USH2A: variants seen among roughly 807,000 people sequenced by gnomAD.
The protein encoded by USH2A is Usher syndrome 2A (autosomal recessive, mild).
A neutral mutation model predicts 538.9 loss-of-function variants in USH2A; 443 were observed. That is an observed-to-expected ratio of 0.82 (90% CI 0.76 to 0.89). USH2A has a LOEUF of 0.89. Among genes scored for constraint, USH2A ranks in the 40% least tolerant of loss-of-function variants. USH2A has a pLI of 0.00. For missense variants in USH2A, 6,633 were observed against 6,324.8 expected (o/e 1.05, Z -1.65); for synonymous variants, 2,413 against 2,273.5 (o/e 1.06, Z -1.75).
intron 21 of USH2A, among the ~76,000 whole-genome samples, chr1:216,148,129 TACCC>T (rs1338345944): frequency 1.3e-5 from 2 of 151,896 alleles, no homozygotes; most frequent in Admixed American, 6.6e-5. Flanking sequence ...ATACGGAGGC[TACCC>T]ACTCCACATT....
Position 216,246,889 on chromosome 1 carries a change from G to A in USH2A, c.2505C>T (p.Tyr835=). The A allele has an allele frequency of 6.2e-7, 1 of 1,614,154 alleles. No homozygotes were observed. Among genetic ancestry groups the A allele is most frequent in the Non-Finnish European group, 8.5e-7 (1 of 1,179,984 alleles). ...QCNKCLEGNF[Y]LRQNNSFLCL... is the part of the protein sequence containing the mutation. Reference sequence around the variant, plus strand: ...AGAGGAAAGAATTATTTTGCCGTAGGTAGAAGTTTCCCTCCAAACATTTAT... The same window carrying A: ...AGAGGAAAGAATTATTTTGCCGTAGATAGAAGTTTCCCTCCAAACATTTAT... Residue 835 remains tyrosine, a synonymous_variant, in exon 13 of 72, where the codon TAC becomes TAT. Coordinates refer to ENST00000307340, the MANE Select transcript of USH2A (RefSeq NM_206933.4).
intron 62 of USH2A, among the ~76,000 whole-genome samples, chr1:215,678,060 G>A (rs1247785827): frequency 6.6e-6 from 1 of 152,056 alleles, no homozygotes; most frequent in African/African-American, 2.4e-5. Flanking sequence ...TCTTCTGAAT[G>A]TATCTTCGAT....
Position 216,422,409 on chromosome 1 carries a change from A to G in USH2A, c.-73T>C. On this transcript the variant is annotated 5_prime_UTR_variant, in exon 2 of 72. Transcript: ENST00000307340. ...AATCAGGCCCACGCCACTTGCCAGCAATACTTTGAAGCAGGGTACTTTAAG... is the reference window on the plus strand; with the variant it reads ...AATCAGGCCCACGCCACTTGCCAGCGATACTTTGAAGCAGGGTACTTTAAG... 1.9e-6 allele frequency: 3 copies of G among 1,602,272 alleles called. No homozygotes were observed. The highest frequency in any genetic ancestry group is 1.7e-6 in the Non-Finnish European group (2 of 1,173,970).
chr1:216,256,536 A>G (rs2036263470), intron 11 of USH2A, among the ~76,000 whole-genome samples: 1 of 151,936 alleles, frequency 6.6e-6, no homozygotes, highest in African/African-American at 2.4e-5. Flanking sequence ...AACATGGGTT[A>G]TCACTGCATG....
At chr1:215,831,937 A>G (rs919662459) in intron 47 of USH2A, among the ~76,000 whole-genome samples, 1 of 152,020 alleles carries the variant, frequency 6.6e-6, no homozygotes, top group Non-Finnish European at 1.5e-5. Context: ...AAACGGGGGC[A>G]CTTACTACCA....
rs148338532 is a variant in USH2A at position 215,873,144 on chromosome 1, G to C, written c.8681+4614C>G. Among the ~76,000 whole-genome samples, 18 of 151,176 alleles carry C rather than the reference G, an allele frequency of 1.2e-4. No homozygotes were observed. In the East Asian group the frequency reaches 3.5e-3, roughly 30 times the overall value. ...AAGGCATTGAAAAAAAAATCCAATG[G>C]GAAAAAACACTGTGACCAATTTAAT... is the stretch of plus-strand genomic sequence containing the variant. On this transcript the variant is annotated intron_variant, in intron 43 of 71. Coordinates refer to ENST00000307340, the MANE Select transcript of USH2A (RefSeq NM_206933.4).
chr1:215,948,721 G>A (rs939981975), intron 37 of USH2A, among the ~76,000 whole-genome samples: 1 of 151,834 alleles, frequency 6.6e-6, no homozygotes, highest in Admixed American at 6.6e-5. Flanking sequence ...ATTTTCCTGT[G>A]CACCTATCTA....
At position 216,084,774 on chromosome 1, in the gene USH2A, T is replaced by G; in HGVS notation, c.5091A>C (p.Glu1697Asp). The G allele has an allele frequency of 6.2e-7, 1 of 1,613,584 alleles. No individual in the cohort carries two copies. Among genetic ancestry groups the G allele is most frequent in the Non-Finnish European group, 8.5e-7 (1 of 1,179,710 alleles). ...IWEPLDWQSS[E>D]EQINVYNSWE... ...AGCTGTTATACACGTTGATTTGTTC[T>G]TCAGAACTCTGCCAATCCAGAGGTT... Residue 1697 changes from glutamate to aspartate, a missense_variant, in exon 25 of 72, where the codon GAA (glutamate) becomes GAC (aspartate). Transcript: ENST00000307340.
chr1:215,772,180 A>G (rs1661310888), intron 55 of USH2A, among the ~76,000 whole-genome samples: 1 of 152,228 alleles, frequency 6.6e-6, no homozygotes, highest in South Asian at 2.1e-4. Flanking sequence ...ACAGGCAATA[A>G]AAAGGGCACA....
At chr1:215,809,873 G>A (rs1347622701) in intron 49 of USH2A, among the ~76,000 whole-genome samples, 2 of 152,128 alleles carry the variant, frequency 1.3e-5, no homozygotes, top group Non-Finnish European at 2.9e-5. Context: ...GCAGACTAGT[G>A]ACCAGATTTA....
intron 11 of USH2A, among the ~76,000 whole-genome samples, chr1:216,261,421 C>T (rs2036368502): frequency 1.4e-5 from 2 of 147,066 alleles, no homozygotes; most frequent in Non-Finnish European, 1.5e-5. Context: ...TTGAGTCCAG[C>T]CTAGACAATA....
At chr1:216,384,156 G>T (rs2038965780) in intron 3 of USH2A, among the ~76,000 whole-genome samples, 1 of 150,850 alleles carries the variant, frequency 6.6e-6, no homozygotes, top group Admixed American at 6.6e-5. Flanking sequence ...ACATAAACCT[G>T]CAAGTTCTGC....
chr1:216,186,851 C>T (rs983336195), intron 20 of USH2A, among the ~76,000 whole-genome samples: 1 of 151,898 alleles, frequency 6.6e-6, no homozygotes, highest in Admixed American at 6.6e-5. Flanking sequence ...TGCTTAACTT[C>T]CAGGTCTGTC....
chr1:215,970,477 T>C (rs1458995572), intron 36 of USH2A, 148 bp downstream of exon 36: 1 of 957,656 alleles, frequency 1.0e-6, no homozygotes, highest in Non-Finnish European at 1.6e-6. Context: ...TAGTAACTCT[T>C]AAATGAACTT....
chr1:216,171,022 T>A (rs955464121), intron 21 of USH2A, among the ~76,000 whole-genome samples: 11 of 152,152 alleles, frequency 7.2e-5, no homozygotes, highest in African/African-American at 2.7e-4. Flanking sequence ...TTTCTGCTTT[T>A]TTTATAACAT....
chr1:215,758,887 C>A, intron 57 of USH2A, 135 bp from the exon 58 acceptor site: 1 of 921,594 alleles, frequency 1.1e-6, no homozygotes. Flanking sequence ...TTTCCAGAAA[C>A]TTGACTTGGT....
intron 9 of USH2A, among the ~76,000 whole-genome samples, chr1:216,296,480 T>C (rs1048254759): frequency 1.3e-5 from 2 of 152,070 alleles, no homozygotes; most frequent in African/African-American, 2.4e-5. Flanking sequence ...TTATTGACTT[T>C]ATATTCTCTG....
At position 216,346,422 on chromosome 1, in the gene USH2A, G is replaced by A. The variant is rs143690971; in HGVS notation, c.784+18531C>T. 5.5e-3 allele frequency among the ~76,000 whole-genome samples: 838 copies of A among 152,138 alleles called. 8 individuals are homozygous for A. The highest frequency in any genetic ancestry group is 9.8e-3 in the Non-Finnish European group (667 of 67,992). On this transcript the variant is annotated intron_variant, in intron 4 of 71. Coordinates refer to ENST00000307340, the MANE Select transcript of USH2A (RefSeq NM_206933.4). ...AAGGCTGTCTTGTGTTTCGCATTGC[G>A]TTATCTGATGTTTTTTACTTTTGGG...
intron 62 of USH2A, among the ~76,000 whole-genome samples, chr1:215,679,547 A>T (rs1658154994): frequency 6.6e-6 from 1 of 152,230 alleles, no homozygotes; most frequent in Admixed American, 6.5e-5. Context: ...TGAAGGTTCA[A>T]AACATCAAAA....
Sources: allele counts gnomAD v4.1 joint callset (sites outside exome capture counted in the v4.1 genomes callset), GRCh38; gene constraint gnomAD v4.1.1; transcripts MANE v1.5; gene names NCBI Gene and HGNC (gene_info 2026-07-23, HGNC 2026-07-21).